Variants in ASAP2 observed in about 807,000 individuals in gnomAD.
The protein encoded by ASAP2 is arf-GAP with SH3 domain, ANK repeat and PH domain-containing protein 2.
ASAP2 carries 45 observed loss-of-function variants against 131.4 expected under a neutral mutation model. The observed-to-expected ratio is 0.34, with a 90% confidence interval of 0.27 to 0.44. The LOEUF (loss-of-function observed/expected upper bound fraction) is 0.44. Among genes scored for constraint, ASAP2 ranks in the 20% least tolerant of loss-of-function variants. The pLI, the probability that ASAP2 is intolerant of heterozygous loss-of-function variation, is 1.00. For missense variants in ASAP2, 1,011 were observed against 1,297.0 expected (o/e 0.78, Z 3.39); for synonymous variants, 510 against 503.0 (o/e 1.01, Z -0.19).
chr2:9,401,218 G>A (rs1302665379), intron 26 of ASAP2, 56 bp from the exon 27 acceptor site: 2 of 1,604,604 alleles, frequency 1.2e-6, no homozygotes, highest in South Asian at 1.1e-5. Context: ...TGAGCTCTCT[G>A]CCCTGAGAGC....
chr2:9,219,338 AG>A (rs1662263829), intron 1 of ASAP2, among the ~76,000 whole-genome samples: 1 of 152,212 alleles, frequency 6.6e-6, no homozygotes, highest in Non-Finnish European at 1.5e-5. Context: ...AGACCTAGCC[AG>A]GGAGTTAGGA....
rs74260092 is a variant in ASAP2, at chr2:9,312,812, C to T, written c.346-5712C>T. ...ACACCCCCCTCTCCTGCCACCACTG[C>T]GGCCACATGTGGCTCCTTTACAGTG... On this transcript the variant is annotated intron_variant, in intron 3 of 27. Transcript: ENST00000281419. 2.5e-3 allele frequency among the ~76,000 whole-genome samples: 383 copies of T among 152,296 alleles called. 16 individuals are homozygous for T. In the East Asian group the frequency reaches 0.061, roughly 24 times the overall value.
intron 3 of ASAP2, among the ~76,000 whole-genome samples, chr2:9,314,879 C>G (rs950185846): frequency 6.9e-6 from 1 of 144,336 alleles, no homozygotes; most frequent in African/African-American, 2.6e-5. Context: ...TGCGGTGAGC[C>G]GAGATCACGC....
At position 9,232,327 on chromosome 2, in the gene ASAP2, C is replaced by T. The variant is rs1346266628; in HGVS notation, c.126+25097C>T. ...TCGCCCTGCTCTTCGTATCTCCCTGCCTGTTCTGTGAAGTTCAGCCCAGTG... is the reference window on the plus strand; with the variant it reads ...TCGCCCTGCTCTTCGTATCTCCCTGTCTGTTCTGTGAAGTTCAGCCCAGTG... On this transcript the variant is annotated intron_variant, in intron 1 of 27. Transcript: ENST00000281419. This position sits in a 1 kb window ranked among gnomAD's most constrained non-coding sequence, Gnocchi z 4.1. Among the ~76,000 whole-genome samples, 7 of 152,204 alleles carry T rather than the reference C, an allele frequency of 4.6e-5. No homozygotes were observed. The highest frequency in any genetic ancestry group is 1.7e-4 in the African/African-American group (7 of 41,446).
rs1668212290 is a variant in ASAP2 at position 9,297,344 on chromosome 2, T to A, written c.244T>A (p.Phe82Ile). ...EEQYTQALEK[F>I]GGNCVCRDDP... Reference sequence around the variant, plus strand: ...GCAGTACACCCAGGCTCTGGAGAAGTTTGGCGGCAACTGTGTATGCAGAGA... The same window carrying A: ...GCAGTACACCCAGGCTCTGGAGAAGATTGGCGGCAACTGTGTATGCAGAGA... The change falls in exon 3 of 28, where the codon TTT becomes ATT. Residue 82 changes from phenylalanine (F) to isoleucine (I), a missense_variant. Phe to Ile is a conservative substitution (Grantham distance 21). This residue lies in a region of ASAP2 where 359 missense variants were observed against 598.1 expected (regional missense o/e 0.60). Coordinates refer to ENST00000281419, the MANE Select transcript of ASAP2 (RefSeq NM_003887.3). 6.2e-7 allele frequency: 1 copy of A among 1,613,956 alleles called. No individual in the cohort carries two copies. The highest frequency in any genetic ancestry group is 1.3e-5 in the African/African-American group (1 of 74,876).
At chr2:9,341,786 C>T (rs780627224) in intron 9 of ASAP2, among the ~76,000 whole-genome samples, 1 of 152,136 alleles carries the variant, frequency 6.6e-6, no homozygotes, top group South Asian at 2.1e-4. Context: ...GCCGATGTTC[C>T]GCCCTTCTGA....
chr2:9,401,150 T>C (rs1572647695), intron 26 of ASAP2, 124 bp from the exon 27 acceptor site: 1 of 1,240,324 alleles, frequency 8.1e-7, no homozygotes, highest in South Asian at 1.4e-5. Context: ...CACCTTGGCA[T>C]CTGCAGGCTT....
chr2:9,271,259 C>T (rs1452281848), intron 1 of ASAP2: 1 of 727,142 alleles, frequency 1.4e-6, no homozygotes, highest in Non-Finnish European at 2.5e-6. Context: ...GAAATCCTCA[C>T]TTAAACTACA....
At chr2:9,355,557 A>G (rs1235664620) in intron 12 of ASAP2, among the ~76,000 whole-genome samples, 1 of 152,230 alleles carries the variant, frequency 6.6e-6, no homozygotes, top group Admixed American at 6.5e-5. Flanking sequence ...ATATTCGACC[A>G]TTATTTAACA....
chr2:9,272,644 C>T (rs1452918773), intron 1 of ASAP2, among the ~76,000 whole-genome samples: 2 of 152,122 alleles, frequency 1.3e-5, no homozygotes, highest in East Asian at 1.9e-4. Flanking sequence ...AGACCAGTGT[C>T]CTGCAGTTTC....
At chr2:9,315,616 T>C (rs753116948) in intron 3 of ASAP2, among the ~76,000 whole-genome samples, 3 of 152,064 alleles carry the variant, frequency 2.0e-5, no homozygotes, top group African/African-American at 7.2e-5. Context: ...AGGCGGGAAC[T>C]GTGACGGGAG....
At chr2:9,366,183 T>C (rs763675652) in intron 15 of ASAP2, among the ~76,000 whole-genome samples, 1 of 152,056 alleles carries the variant, frequency 6.6e-6, no homozygotes, top group African/African-American at 2.4e-5. Context: ...AACTGCAAGG[T>C]AGCACGTTTC....
At chr2:9,287,309 C>T (rs1293874378) in intron 2 of ASAP2, among the ~76,000 whole-genome samples, 1 of 152,240 alleles carries the variant, frequency 6.6e-6, no homozygotes, top group Non-Finnish European at 1.5e-5. Context: ...TGAGCCAGTA[C>T]GTGGCACATG....
At chr2:9,234,902 A>G (rs1341517081) in intron 1 of ASAP2, among the ~76,000 whole-genome samples, 1 of 152,056 alleles carries the variant, frequency 6.6e-6, no homozygotes, top group African/African-American at 2.4e-5. Context: ...TTCTAGAAAT[A>G]CCCTATTTTT....
chr2:9,383,830 GC>G (rs1301835435), intron 20 of ASAP2, among the ~76,000 whole-genome samples: 1 of 151,800 alleles, frequency 6.6e-6, no homozygotes, highest in Non-Finnish European at 1.5e-5. Flanking sequence ...ATACTGTGCA[GC>G]CATAAAAAAG....
Position 9,268,161 on chromosome 2 carries a change from TG to T in ASAP2, c.127-11152del, listed in dbSNP as rs1398366993. ...ATTTTTGTCAAGTTCACTTGTGTTG[TG>T]GGGTAAGTTTGTTCTCTTCCGTTGC... is the stretch of plus-strand genomic sequence containing the variant. On this transcript the variant is annotated intron_variant, in intron 1 of 27. Transcript: ENST00000281419. This position sits in a 1 kb window ranked among gnomAD's most constrained non-coding sequence, Gnocchi z 4.1. 6.6e-6 allele frequency among the ~76,000 whole-genome samples: 1 copy of T among 152,210 alleles called. No homozygotes were observed. The highest frequency in any genetic ancestry group is 2.4e-5 in the African/African-American group (1 of 41,442).
intron 22 of ASAP2, 59 bp from the exon 23 acceptor site, chr2:9,391,003 T>C: frequency 6.2e-7 from 1 of 1,613,210 alleles, no homozygotes; most frequent in East Asian, 2.2e-5. Flanking sequence ...TCTGTTTTTG[T>C]TCGTGTGTGC....
chr2:9,401,264 C>G lies in ASAP2; in HGVS notation c.2824-10C>G. The stretch of plus-strand genomic sequence containing the variant: ...AGCCACACTAACCGTTGTTCCCTCT[C>G]CTGACCCAGACCAAGTTGAAGCCTA... On this transcript the variant is annotated splice_polypyrimidine_tract_variant and intron_variant, in intron 26 of 27. Transcript: ENST00000281419. 6.2e-7 allele frequency: 1 copy of G among 1,613,348 alleles called. No individual in the cohort carries two copies. Among genetic ancestry groups the G allele is most frequent in the Non-Finnish European group, 8.5e-7 (1 of 1,179,850 alleles).
chr2:9,268,379 G>C lies in ASAP2; in HGVS notation c.127-10938G>C, dbSNP rs1572300966. Reference sequence around the variant, plus strand: ...ATACCAAAACACGCCCTTCTCATCTGTCCTTAGGCACACACTTTCCTCAGC... The same window carrying C: ...ATACCAAAACACGCCCTTCTCATCTCTCCTTAGGCACACACTTTCCTCAGC... On this transcript the variant is annotated intron_variant, in intron 1 of 27. Transcript: ENST00000281419. This position sits in a 1 kb window ranked among gnomAD's most constrained non-coding sequence, Gnocchi z 4.1. 6.6e-6 allele frequency among the ~76,000 whole-genome samples: 1 copy of C among 152,226 alleles called. No homozygotes were observed. The highest frequency in any genetic ancestry group is 1.9e-4 in the East Asian group (1 of 5,180).
Sources: allele counts gnomAD v4.1 joint callset (sites outside exome capture counted in the v4.1 genomes callset), GRCh38; gene constraint gnomAD v4.1.1; regional missense constraint gnomAD v4.1.1; non-coding constraint Gnocchi (gnomAD v3.1); transcripts MANE v1.5; gene names NCBI Gene and HGNC (gene_info 2026-07-23, HGNC 2026-07-21).